SLC30A10: variants seen among roughly 807,000 people sequenced by gnomAD.
SLC30A10 encodes the protein calcium/manganese antiporter SLC30A10.
Under a neutral mutation model 21.7 loss-of-function variants are expected in SLC30A10, and 8 were observed. The observed-to-expected ratio is 0.37, with a 90% CI of 0.22 to 0.67. The LOEUF (loss-of-function observed/expected upper bound fraction) is 0.67, where lower values mean the gene tolerates loss of function less well. Among genes scored for constraint, SLC30A10 ranks in the 30% least tolerant of loss-of-function variants. SLC30A10 has a pLI of 0.58. For missense variants in SLC30A10, 521 were observed against 642.5 expected (o/e 0.81, Z 2.04); for synonymous variants, 272 against 279.4 (o/e 0.97, Z 0.26).
At chr1:219,916,208 T>C (rs571006370) in intron 3 of SLC30A10, among the ~76,000 whole-genome samples, 80 of 152,318 alleles carry the variant, frequency 5.3e-4, no homozygotes, top group African/African-American at 1.9e-3. Flanking sequence ...TTGCTGAGTA[T>C]ACAAGGGAAT....
At chr1:219,933,527 C>T (rs1659999495), upstream of SLC30A10, among the ~76,000 whole-genome samples, 1 of 152,188 alleles carries the variant, frequency 6.6e-6, no homozygotes. Flanking sequence ...CCTTACTAAA[C>T]CTTCTCTTTC....
chr1:219,929,467 G>C (rs1659931283), upstream of SLC30A10, among the ~76,000 whole-genome samples: 1 of 151,962 alleles, frequency 6.6e-6, no homozygotes, highest in Non-Finnish European at 1.5e-5. Context: ...CTGACAGCAT[G>C]ACCTGATACG....
intron 2 of SLC30A10, among the ~76,000 whole-genome samples, chr1:219,926,331 G>A (rs758767262): frequency 6.6e-6 from 1 of 152,230 alleles, no homozygotes; most frequent in Non-Finnish European, 1.5e-5. Context: ...AATTCTCAAA[G>A]TCAAAATTGG....
intron 2 of SLC30A10, 33 bp downstream of exon 2, chr1:219,926,995 A>C: frequency 6.6e-7 from 1 of 1,512,822 alleles, no homozygotes; most frequent in South Asian, 1.1e-5. Flanking sequence ...TGTCATAGAA[A>C]GGGATTTCAA....
intron 1 of SLC30A10, among the ~76,000 whole-genome samples, chr1:219,947,013 C>A (rs1219350642): frequency 6.6e-6 from 1 of 152,104 alleles, no homozygotes; most frequent in African/African-American, 2.4e-5. Flanking sequence ...CCTTCATGAC[C>A]TTAAGAGAGT....
upstream of SLC30A10, among the ~76,000 whole-genome samples, chr1:219,932,788 G>A (rs551849433): frequency 2.7e-5 from 4 of 148,456 alleles, no homozygotes; most frequent in Admixed American, 6.8e-5. Context: ...GAGGCCAGGC[G>A]AGGTGGCTCA....
At chr1:219,929,613 C>G (rs1031699333), upstream of SLC30A10, among the ~76,000 whole-genome samples, 1 of 152,032 alleles carries the variant, frequency 6.6e-6, no homozygotes, top group Non-Finnish European at 1.5e-5. Context: ...CTCCGCCTCT[C>G]GGATTCAAGC....
intron 2 of SLC30A10, among the ~76,000 whole-genome samples, chr1:219,921,625 C>T (rs1194417089): frequency 6.6e-6 from 1 of 152,066 alleles, no homozygotes; most frequent in Non-Finnish European, 1.5e-5. Flanking sequence ...CAAAACTCAT[C>T]CTTATATATG....
chr1:219,913,960 C>T lies in SLC30A10; in HGVS notation c.*1489G>A, dbSNP rs1659473003. On this transcript the variant is annotated 3_prime_UTR_variant, in exon 4 of 4. Coordinates refer to ENST00000366926, the MANE Select transcript of SLC30A10 (RefSeq NM_018713.3). Reference sequence around the variant, plus strand: ...TAATTTCCTATCCTACGGATCATAGCTGCTTATTTATTTTAGCCTTCAAAT... The same window carrying T: ...TAATTTCCTATCCTACGGATCATAGTTGCTTATTTATTTTAGCCTTCAAAT... 2 of 152,074 alleles carry T rather than the reference C, an allele frequency of 1.3e-5. No homozygotes were observed. Among genetic ancestry groups the T allele is most frequent in the Admixed American group, 6.6e-5 (1 of 15,264 alleles). The allele number at this position is 152,074 out of a possible 1,614,324, so 9.4% of individuals were successfully genotyped here.
intron 1 of SLC30A10, among the ~76,000 whole-genome samples, chr1:219,949,887 A>G (rs1660244760): frequency 6.6e-6 from 1 of 152,350 alleles, no homozygotes; most frequent in East Asian, 1.9e-4. Flanking sequence ...AACAAGAAAG[A>G]GGCAAAAAAT....
chr1:219,924,629 C>T (rs933490038), intron 2 of SLC30A10, among the ~76,000 whole-genome samples: 10 of 152,146 alleles, frequency 6.6e-5, no homozygotes, highest in African/African-American at 1.7e-4. Context: ...TCAGCTAACA[C>T]GGAAGCACTA....
At chr1:219,947,890 G>C (rs1180422593) in intron 1 of SLC30A10, among the ~76,000 whole-genome samples, 1 of 151,920 alleles carries the variant, frequency 6.6e-6, no homozygotes, top group Non-Finnish European at 1.5e-5. Flanking sequence ...ATCTCCTTAA[G>C]CTGATAAGCA....
At chr1:219,926,472 G>GCTTCTGAC (rs1553313513) in intron 2 of SLC30A10, among the ~76,000 whole-genome samples, 3 of 151,912 alleles carry the variant, frequency 2.0e-5, no homozygotes, top group Admixed American at 1.3e-4. Context: ...TTAGTCCAGT[G>GCTTCTGAC]CTTCCGACCT....
intron 1 of SLC30A10, among the ~76,000 whole-genome samples, chr1:219,952,170 A>G (rs1468944225): frequency 6.6e-6 from 1 of 152,148 alleles, no homozygotes; most frequent in Non-Finnish European, 1.5e-5. Flanking sequence ...GCCCTTGGAC[A>G]ATCACTACCA....
chr1:219,920,978 A>G (rs994222558), intron 2 of SLC30A10, among the ~76,000 whole-genome samples: 1 of 152,230 alleles, frequency 6.6e-6, no homozygotes. Flanking sequence ...CATCATGGCT[A>G]TCACAGTCCC....
chr1:219,918,709 A>G lies in SLC30A10; in HGVS notation c.719-215T>C. 1 of 485,408 alleles carries G rather than the reference A, an allele frequency of 2.1e-6. No individual in the cohort carries two copies. The highest frequency in any genetic ancestry group is 3.4e-5 in the East Asian group (1 of 29,574). The allele number at this position is 485,408 out of a possible 1,614,324, so 30.1% of individuals were successfully genotyped here. A position where few individuals can be genotyped will look rare whatever the true frequency, so the allele number is the denominator to read the frequency against. On this transcript the variant is annotated intron_variant, in intron 2 of 3. Coordinates refer to ENST00000366926, the MANE Select transcript of SLC30A10 (RefSeq NM_018713.3). This position sits in a 1 kb window ranked among gnomAD's most constrained non-coding sequence, Gnocchi z 4.4. ...ATCGCAGGACTCAGAGTACCTTGGA[A>G]GAGCAACAGCCTAGGAAGATTCTGA... is the stretch of plus-strand genomic sequence containing the variant.
rs756452417 is a variant in SLC30A10, at chr1:219,918,570, G to A, written c.719-76C>T. 4.0e-6 allele frequency: 6 copies of A among 1,500,508 alleles called. No homozygotes were observed. The highest frequency in any genetic ancestry group is 2.3e-5 in the East Asian group (1 of 43,632). 92.9% of individuals were successfully genotyped at this position (1,500,508 alleles called of 1,614,324 possible). A position where few individuals can be genotyped will look rare whatever the true frequency, so the allele number is the denominator to read the frequency against. On this transcript the variant is annotated intron_variant, in intron 2 of 3. Coordinates refer to ENST00000366926, the MANE Select transcript of SLC30A10 (RefSeq NM_018713.3). This position sits in a 1 kb window ranked among gnomAD's most constrained non-coding sequence, Gnocchi z 4.4. ...TGACACTCACTGACTTGGGTGTCCG[G>A]GTATATGAATATCTGTTACCATTTG...
At position 219,928,350 on chromosome 1, in the gene SLC30A10, G is replaced by A. The variant is rs1290961203; in HGVS notation, c.91C>T (p.Leu31=). Residue 31 remains leucine, a synonymous_variant, in exon 1 of 4, where the codon CTG becomes TTG. Transcript: ENST00000366926. The surrounding 1 kb of genome is among the most constrained non-coding windows in gnomAD (Gnocchi z 6.3). ...FFVAELVSGY[L]GNSIALLSDS... ...GAGAGCAGCGCGATGGAGTTGCCCA[G>A]GTAGCCGGAGACCAGCTCCGCCACG... The A allele has an allele frequency of 6.2e-7, 1 of 1,613,232 alleles. No homozygotes were observed. The highest frequency in any genetic ancestry group is 8.5e-7 in the Non-Finnish European group (1 of 1,179,744).
chr1:219,953,344 C>A (rs559643044), intron 1 of SLC30A10, among the ~76,000 whole-genome samples: 11 of 152,226 alleles, frequency 7.2e-5, no homozygotes, highest in African/African-American at 2.6e-4. Context: ...TGCCTGTAAT[C>A]CCAGCACTTT....
Sources: gnomAD v4.1 joint callset for allele counts (sites outside exome capture counted in the v4.1 genomes callset) on GRCh38, gnomAD v4.1.1 for gene constraint, Gnocchi (gnomAD v3.1) non-coding constraint, MANE v1.5 for transcripts, NCBI Gene and HGNC (gene_info 2026-07-23, HGNC 2026-07-21) for gene names.